Variants in IMMP2L observed in about 807,000 individuals in gnomAD.
The protein encoded by IMMP2L is inner mitochondrial membrane peptidase subunit 2.
IMMP2L carries 18 observed loss-of-function variants against 19.3 expected under a neutral mutation model. The ratio of observed to expected loss-of-function variants is 0.93; its 90% CI spans 0.64 to 1.38. IMMP2L has a LOEUF of 1.38. Ranked by LOEUF, IMMP2L falls within the 40% of genes most tolerant of loss-of-function variation. IMMP2L has a pLI of 0.00. For missense variants in IMMP2L, 233 were observed against 218.2 expected (o/e 1.07, Z -0.43); for synonymous variants, 76 against 73.0 (o/e 1.04, Z -0.21).
At chr7:111,052,103 G>A (rs1793060832) in intron 3 of IMMP2L, among the ~76,000 whole-genome samples, 1 of 152,168 alleles carries the variant, frequency 6.6e-6, no homozygotes, top group Non-Finnish European at 1.5e-5. Context: ...TAGCATCACA[G>A]GAAAGATGGC....
chr7:111,032,066 G>A (rs1358539141), intron 3 of IMMP2L, among the ~76,000 whole-genome samples: 1 of 150,828 alleles, frequency 6.6e-6, no homozygotes, highest in Non-Finnish European at 1.5e-5. Context: ...AGCCACCCAA[G>A]TAGCTGGAAC....
At chr7:110,929,490 T>C (rs1017754231) in intron 4 of IMMP2L, among the ~76,000 whole-genome samples, 3 of 152,168 alleles carry the variant, frequency 2.0e-5, no homozygotes, top group African/African-American at 7.2e-5. Context: ...TGCTTTATAG[T>C]TCATAAAGCA....
At chr7:111,536,996 AC>A (rs1847945353) in intron 1 of IMMP2L, among the ~76,000 whole-genome samples, 1 of 151,932 alleles carries the variant, frequency 6.6e-6, no homozygotes, top group Non-Finnish European at 1.5e-5. Flanking sequence ...GAGAAATCTT[AC>A]CAAAAAAAAA....
At chr7:110,826,876 A>T (rs1803548080) in intron 5 of IMMP2L, among the ~76,000 whole-genome samples, 1 of 152,030 alleles carries the variant, frequency 6.6e-6, no homozygotes, top group African/African-American at 2.4e-5. Context: ...ACTAAAAAAA[A>T]AAAGTTAATA....
intron 5 of IMMP2L, among the ~76,000 whole-genome samples, chr7:110,796,123 T>A (rs776398050): frequency 6.6e-6 from 1 of 152,086 alleles, no homozygotes; most frequent in East Asian, 1.9e-4. Flanking sequence ...TGAAGAAGGA[T>A]GTGTTTGTTT....
chr7:111,311,299 G>GGAAA (rs1177281697), intron 3 of IMMP2L, among the ~76,000 whole-genome samples: 1 of 151,942 alleles, frequency 6.6e-6, no homozygotes, highest in Non-Finnish European at 1.5e-5. Flanking sequence ...ATGAGAGAAG[G>GGAAA]GAAAGAAAGA....
At chr7:111,390,911 T>C (rs1252054754) in intron 3 of IMMP2L, among the ~76,000 whole-genome samples, 1 of 152,140 alleles carries the variant, frequency 6.6e-6, no homozygotes, top group African/African-American at 2.4e-5. Flanking sequence ...AATAAAATTC[T>C]AATTATAGGA....
intron 3 of IMMP2L, chr7:111,091,145 C>G (rs1470805534): frequency 6.6e-6 from 1 of 152,032 alleles, no homozygotes; most frequent in Non-Finnish European, 1.5e-5. Context: ...GACAACTGAT[C>G]GGGTGAACGA....
intron 3 of IMMP2L, among the ~76,000 whole-genome samples, chr7:111,273,857 A>G (rs955945159): frequency 2.0e-5 from 3 of 152,164 alleles, no homozygotes; most frequent in African/African-American, 7.2e-5. Context: ...AGTAGGTTTG[A>G]TCTTAATACT....
rs566024196 is a variant in IMMP2L at position 111,110,284 on chromosome 7, T to C, written c.240-146719A>G. ...TCAAATCTTTGTTTCTCCACACAAT[T>C]GATAGGAATCAGTCATTAAAGAAAA... On this transcript the variant is annotated intron_variant, in intron 3 of 5. Coordinates refer to ENST00000405709, the MANE Select transcript of IMMP2L (RefSeq NM_032549.4). Among the ~76,000 whole-genome samples, 9 of 152,334 alleles carry C rather than the reference T, an allele frequency of 5.9e-5. No individual in the cohort carries two copies. In the East Asian group the frequency reaches 1.7e-3, roughly 29 times the overall value.
At chr7:111,337,638 G>A (rs1826576597) in intron 3 of IMMP2L, among the ~76,000 whole-genome samples, 1 of 151,950 alleles carries the variant, frequency 6.6e-6, no homozygotes, top group African/African-American at 2.4e-5. Context: ...AGTTACCCAA[G>A]GTAAACAGAG....
intron 3 of IMMP2L, among the ~76,000 whole-genome samples, chr7:111,103,030 T>C (rs1374517731): frequency 1.3e-5 from 2 of 151,700 alleles, no homozygotes; most frequent in East Asian, 3.9e-4. Context: ...AAGACTACAG[T>C]GTCCATTGAT....
At chr7:111,053,379 TCTTTC>T (rs1407250772) in intron 3 of IMMP2L, among the ~76,000 whole-genome samples, 2 of 152,144 alleles carry the variant, frequency 1.3e-5, no homozygotes, top group Non-Finnish European at 2.9e-5. Context: ...CTTGAGGTGT[TCTTTC>T]CTTACCAGTC....
intron 3 of IMMP2L, among the ~76,000 whole-genome samples, chr7:111,133,504 T>G (rs1388403483): frequency 6.6e-6 from 1 of 151,926 alleles, no homozygotes; most frequent in Non-Finnish European, 1.5e-5. Flanking sequence ...GGGAGAAAGT[T>G]CTGAAGGACA....
intron 3 of IMMP2L, among the ~76,000 whole-genome samples, chr7:111,071,174 T>G (rs1794916594): frequency 6.6e-6 from 1 of 152,084 alleles, no homozygotes; most frequent in Admixed American, 6.6e-5. Context: ...CAGATGTTAC[T>G]TCACACACAC....
intron 3 of IMMP2L, among the ~76,000 whole-genome samples, chr7:111,443,857 A>C (rs1838006649): frequency 1.3e-5 from 2 of 152,068 alleles, no homozygotes; most frequent in Admixed American, 1.3e-4. Context: ...AAAAAGAAGG[A>C]ATTTGATTTT....
chr7:110,923,387 T>C (rs1403069873), intron 4 of IMMP2L, among the ~76,000 whole-genome samples: 1 of 152,116 alleles, frequency 6.6e-6, no homozygotes, highest in East Asian at 1.9e-4. Flanking sequence ...ATCTTCTATA[T>C]AAAGACAATG....
At chr7:111,049,136 C>CT (rs869087664) in intron 3 of IMMP2L, among the ~76,000 whole-genome samples, 11 of 10,926 alleles carry the variant, frequency 1.0e-3, no homozygotes, top group African/African-American at 1.6e-3. Context: ...TTTTTTTTTT[C>CT]TTTTTTTTTT....
intron 5 of IMMP2L, among the ~76,000 whole-genome samples, chr7:110,856,805 T>G: frequency 6.6e-6 from 1 of 152,066 alleles, no homozygotes; most frequent in East Asian, 1.9e-4. Context: ...CTCAGTAGTT[T>G]AGGCTTCCTA....
Sources: allele counts gnomAD v4.1 joint callset (sites outside exome capture counted in the v4.1 genomes callset), GRCh38; gene constraint gnomAD v4.1.1; transcripts MANE v1.5; gene names NCBI Gene and HGNC (gene_info 2026-07-23, HGNC 2026-07-21).